The following LINGO2 variants were observed in gnomAD, a reference collection of about 807,000 sequenced individuals.
LINGO2 encodes leucine-rich repeat and immunoglobulin-like domain-containing nogo receptor-interacting protein 2.
Under a neutral mutation model 30.6 loss-of-function variants are expected in LINGO2, and 14 were observed. The observed-to-expected ratio is 0.46, with a 90% confidence interval of 0.30 to 0.72. The LOEUF (loss-of-function observed/expected upper bound fraction) is 0.72, where lower values mean the gene tolerates loss of function less well. LINGO2 is among the 30% of genes least tolerant of loss of function. The pLI is 0.07. For synonymous variants in LINGO2, 317 were observed against 288.5 expected (o/e 1.10, Z -1.00); for missense variants, 729 against 751.7 (o/e 0.97, Z 0.35).
At chr9:28,063,435 A>ATTT (rs113818728) in intron 4 of LINGO2, among the ~76,000 whole-genome samples, 3 of 148,694 alleles carry the variant, frequency 2.0e-5, no homozygotes, top group Admixed American at 6.7e-5. Flanking sequence ...TATTATCCAC[A>ATTT]TTTTTTTTTT....
At chr9:28,096,353 A>C (rs774756970) in intron 4 of LINGO2, among the ~76,000 whole-genome samples, 8 of 152,174 alleles carry the variant, frequency 5.3e-5, no homozygotes, top group Non-Finnish European at 1.0e-4. Flanking sequence ...TTTTATTTTC[A>C]TCTCTTACTC....
the LINGO2 span, among the ~76,000 whole-genome samples, chr9:28,865,498 C>T: frequency 2.0e-5 from 3 of 152,052 alleles, 1 homozygote; most frequent in Middle Eastern, 0.01. Flanking sequence ...AACAAATCAC[C>T]CTGGCCGGGT....
intron 1 of LINGO2, among the ~76,000 whole-genome samples, chr9:28,507,739 G>A (rs79778881): frequency 0.017 from 2,654 of 152,196 alleles, 87 homozygotes; most frequent in East Asian, 0.12. Context: ...TATTCAGAAT[G>A]AGGGAGAGCA....
chr9:29,074,780 G>T, the LINGO2 span, among the ~76,000 whole-genome samples: 1 of 145,762 alleles, frequency 6.9e-6, no homozygotes, highest in East Asian at 2.1e-4. Flanking sequence ...CTGCCTCCCA[G>T]GTTCAGCCTC....
intron 4 of LINGO2, among the ~76,000 whole-genome samples, chr9:28,108,359 T>A (rs925132730): frequency 1.3e-5 from 2 of 152,118 alleles, no homozygotes; most frequent in African/African-American, 4.8e-5. Context: ...GTGCTACAAC[T>A]ATTAAACAGC....
At chr9:28,049,903 G>T (rs1282294787) in intron 4 of LINGO2, among the ~76,000 whole-genome samples, 1 of 150,734 alleles carries the variant, frequency 6.6e-6, no homozygotes, top group Admixed American at 6.7e-5. Flanking sequence ...CATGATCAGG[G>T]TTGTTTTTCA....
the LINGO2 span, among the ~76,000 whole-genome samples, chr9:29,093,620 A>C: frequency 7.3e-6 from 1 of 136,504 alleles, no homozygotes; most frequent in African/African-American, 2.7e-5. Flanking sequence ...CCTAAATTAT[A>C]ATTAATAAGA....
intron 1 of LINGO2, among the ~76,000 whole-genome samples, chr9:28,614,492 A>G (rs1826050222): frequency 6.6e-6 from 1 of 152,132 alleles, no homozygotes. Context: ...CCTCTTCTCA[A>G]TATTTGCCTC....
intron 1 of LINGO2, among the ~76,000 whole-genome samples, chr9:28,580,111 T>C (rs1824185045): frequency 1.3e-5 from 2 of 152,200 alleles, no homozygotes; most frequent in South Asian, 4.1e-4. Context: ...GCCACAGGAA[T>C]AGAATCCTCT....
chr9:28,390,916 CA>C (rs1821805205), intron 2 of LINGO2, among the ~76,000 whole-genome samples: 1 of 151,696 alleles, frequency 6.6e-6, no homozygotes, highest in South Asian at 2.1e-4. Context: ...ATCTTAGTAG[CA>C]TTAGTGAAAA....
chr9:28,252,657 T>C (rs1401130902), intron 4 of LINGO2, among the ~76,000 whole-genome samples: 1 of 151,896 alleles, frequency 6.6e-6, no homozygotes, highest in African/African-American at 2.4e-5. Flanking sequence ...CATATAAGAA[T>C]AGTATATATA....
At chr9:28,773,238 G>A in the LINGO2 span, among the ~76,000 whole-genome samples, 3 of 151,594 alleles carry the variant, frequency 2.0e-5, no homozygotes, top group African/African-American at 7.3e-5. Flanking sequence ...AGTGGCGGGC[G>A]CCTGTAGTCG....
At chr9:28,709,247 T>G in the LINGO2 span, among the ~76,000 whole-genome samples, 3 of 152,076 alleles carry the variant, frequency 2.0e-5, no homozygotes, top group Non-Finnish European at 2.9e-5. Flanking sequence ...TTAACTCTCA[T>G]ACTATGTCAG....
chr9:28,736,034 T>C, the LINGO2 span, among the ~76,000 whole-genome samples: 2 of 152,196 alleles, frequency 1.3e-5, no homozygotes, highest in African/African-American at 4.8e-5. Context: ...TAATTCATGA[T>C]TGCATAGCAA....
At chr9:28,878,528 A>C in the LINGO2 span, among the ~76,000 whole-genome samples, 1 of 152,176 alleles carries the variant, frequency 6.6e-6, no homozygotes. Context: ...AGGCAGAGAC[A>C]CAACCAAAAA....
At chr9:28,997,166 C>T in the LINGO2 span, among the ~76,000 whole-genome samples, 1 of 152,134 alleles carries the variant, frequency 6.6e-6, no homozygotes, top group Non-Finnish European at 1.5e-5. Context: ...TGGTGGCTCA[C>T]AACTGTAATC....
At chr9:29,015,074 T>A in the LINGO2 span, among the ~76,000 whole-genome samples, 1 of 152,068 alleles carries the variant, frequency 6.6e-6, no homozygotes, top group Non-Finnish European at 1.5e-5. Context: ...GCAGAATAAT[T>A]TGGAGTATAA....
intron 4 of LINGO2, among the ~76,000 whole-genome samples, chr9:28,097,615 C>G (rs1383259684): frequency 1.5e-5 from 2 of 137,160 alleles, no homozygotes; most frequent in Non-Finnish European, 3.1e-5. Flanking sequence ...TATTCTCACT[C>G]ATAGGTGGGA....
chr9:27,967,008 A>C (rs115748669), intron 5 of LINGO2, among the ~76,000 whole-genome samples: 2,394 of 152,200 alleles, frequency 0.016, 62 homozygotes, highest in African/African-American at 0.055. Context: ...TGAAGTGTGG[A>C]TATTCTTGAA....
Sources: gnomAD v4.1 joint callset for allele counts (sites outside exome capture counted in the v4.1 genomes callset) on GRCh38, gnomAD v4.1.1 for gene constraint, MANE v1.5 for transcripts, NCBI Gene and HGNC (gene_info 2026-07-23, HGNC 2026-07-21) for gene names.